Variants in MBTPS2 observed in about 807,000 individuals in gnomAD.
MBTPS2 encodes membrane bound transcription factor peptidase, site 2.
Under a neutral mutation model 35.4 loss-of-function variants are expected in MBTPS2, and 2 were observed. The observed-to-expected ratio is 0.06, with a 90% CI of 0.02 to 0.18. The LOEUF (loss-of-function observed/expected upper bound fraction) is 0.18, where lower values mean the gene tolerates loss of function less well. MBTPS2 is among the 10% of genes least tolerant of loss of function. The pLI is 1.00. For missense variants in MBTPS2, 244 were observed against 386.5 expected (o/e 0.63, Z 3.09); for synonymous variants, 125 against 140.4 (o/e 0.89, Z 0.77).
In MBTPS2 at chrX:21,859,954, G is replaced by A. The variant is rs759514986; in HGVS notation, c.670+6451G>A. On this transcript the variant is annotated intron_variant, in intron 5 of 10. Coordinates refer to ENST00000379484, the MANE Select transcript of MBTPS2 (RefSeq NM_015884.4). ...CCAAAAATAAAAAAATTAGCTGAGT[G>A]TGGGGCGCACACCTGTGGTCCTAGC... Among the ~76,000 whole-genome samples the A allele has an allele frequency of 3.6e-5, 4 of 110,559 alleles. No homozygotes were observed. In the East Asian group the frequency reaches 1.1e-3, roughly 31 times the overall value.
Position 21,839,685 on chromosome X carries a change from G to A in MBTPS2, c.-50G>A, listed in dbSNP as rs758684400. 7 of 1,139,712 alleles carry A rather than the reference G, an allele frequency of 6.1e-6. No homozygotes were observed. Among genetic ancestry groups the A allele is most frequent in the Non-Finnish European group, 5.9e-6 (5 of 847,531 alleles). The allele number at this position is 1,139,712 out of a possible 1,213,427, so 93.9% of individuals were successfully genotyped here. ...CGCGCGGTCAGCTGTTGGCGGTGCA[G>A]GGAGGAGGACGCCGGGGCTCGCCTT... On this transcript the variant is annotated 5_prime_UTR_variant, in exon 1 of 11. Coordinates refer to ENST00000379484, the MANE Select transcript of MBTPS2 (RefSeq NM_015884.4).
chrX:21,862,889 C>CATATATAA (rs2092933527), intron 5 of MBTPS2, among the ~76,000 whole-genome samples: 2 of 69,407 alleles, frequency 2.9e-5, no homozygotes, highest in African/African-American at 9.8e-5. Flanking sequence ...TATATATACA[C>CATATATAA]ATATATATAA....
intron 3 of MBTPS2, among the ~76,000 whole-genome samples, chrX:21,850,026 C>CAAAAAAA (rs757928757): frequency 3.6e-5 from 1 of 27,419 alleles, no homozygotes; most frequent in Non-Finnish European, 6.6e-5. Context: ...GACTCCGTCT[C>CAAAAAAA]AAAAAAAAAA....
At chrX:21,878,363 A>G (rs1411420672) in intron 8 of MBTPS2, 134 bp from the exon 9 acceptor site, 2 of 532,353 alleles carry the variant, frequency 3.8e-6, no homozygotes, top group Non-Finnish European at 3.2e-6. Flanking sequence ...TTTATAGTAG[A>G]TGCACATAAA....
chrX:21,884,397 T>C lies in MBTPS2; in HGVS notation c.*1742T>C, dbSNP rs2092962486. 1 of 699,878 alleles carries C rather than the reference T, an allele frequency of 1.4e-6. No homozygotes were observed. The highest frequency in any genetic ancestry group is 2.3e-5 in the African/African-American group (1 of 42,790). 57.7% of individuals were successfully genotyped at this position (699,878 alleles called of 1,213,427 possible). On this transcript the variant is annotated 3_prime_UTR_variant, in exon 11 of 11. Coordinates refer to ENST00000379484, the MANE Select transcript of MBTPS2 (RefSeq NM_015884.4). The stretch of plus-strand genomic sequence containing the variant: ...TAATTTGATTGCATGAACTAAGCAA[T>C]TTTACTAATGAAAAGGTTGTATATG...
At chrX:21,860,083 C>A (rs1418656348) in intron 5 of MBTPS2, among the ~76,000 whole-genome samples, 1 of 98,523 alleles carries the variant, frequency 1.0e-5, no homozygotes, top group Non-Finnish European at 2.0e-5. Flanking sequence ...CAGAGTAAGA[C>A]CTTGTGTCAA....
At chrX:21,849,352 G>GT (rs1459145356) in intron 3 of MBTPS2, among the ~76,000 whole-genome samples, 1 of 112,196 alleles carries the variant, frequency 8.9e-6, no homozygotes, top group Non-Finnish European at 1.9e-5. Context: ...GAGAAAACAA[G>GT]TCAGGTTATC....
chrX:21,881,541 T>C (rs767000629), intron 10 of MBTPS2, among the ~76,000 whole-genome samples: 1 of 112,340 alleles, frequency 8.9e-6, no homozygotes, highest in South Asian at 3.7e-4. Context: ...AAGAGTTCTT[T>C]ATTTTTGTCG....
At chrX:21,859,298 AC>A (rs1479583294) in intron 5 of MBTPS2, among the ~76,000 whole-genome samples, 3 of 100,938 alleles carry the variant, frequency 3.0e-5, no homozygotes, top group Non-Finnish European at 4.0e-5. Context: ...AAAAGAGTGA[AC>A]AATTATATGC....
intron 5 of MBTPS2, 115 bp downstream of exon 5, chrX:21,853,618 A>G: frequency 1.3e-6 from 1 of 767,810 alleles, no homozygotes; most frequent in South Asian, 2.3e-5. Flanking sequence ...TTTGGTTAAT[A>G]ACTTCAGTTT....
chrX:21,863,048 G>A (rs1220995891), intron 5 of MBTPS2, among the ~76,000 whole-genome samples: 1 of 89,712 alleles, frequency 1.1e-5, no homozygotes, highest in Admixed American at 1.3e-4. Flanking sequence ...TTGAGCTCAG[G>A]AGTTCAAGAC....
At chrX:21,872,972 A>C (rs1158384703) in intron 7 of MBTPS2, 2 of 110,979 alleles carry the variant, frequency 1.8e-5, no homozygotes, top group African/African-American at 6.5e-5. Context: ...ACTATTACAG[A>C]GTGTCCAATG....
At chrX:21,867,882 G>A (rs1228830725) in intron 5 of MBTPS2, among the ~76,000 whole-genome samples, 2 of 109,150 alleles carry the variant, frequency 1.8e-5, no homozygotes, top group African/African-American at 3.3e-5. Context: ...CTCGTGATCC[G>A]CCCGCCCTGG....
At chrX:21,877,459 A>AAC (rs2092954403) in intron 7 of MBTPS2, among the ~76,000 whole-genome samples, 1 of 111,686 alleles carries the variant, frequency 9.0e-6, no homozygotes, top group Admixed American at 9.5e-5. Context: ...AAATGGAATG[A>AAC]ACAGTTGCCC....
chrX:21,882,955 A>G lies in MBTPS2; in HGVS notation c.*300A>G. 1.1e-6 allele frequency: 1 copy of G among 950,137 alleles called. No individual in the cohort carries two copies. Among genetic ancestry groups the G allele is most frequent in the Non-Finnish European group, 1.3e-6 (1 of 758,535 alleles). The allele number at this position is 950,137 out of a possible 1,213,427, so 78.3% of individuals were successfully genotyped here. A position where few individuals can be genotyped will look rare whatever the true frequency, so the allele number is the denominator to read the frequency against. On this transcript the variant is annotated 3_prime_UTR_variant, in exon 11 of 11. Transcript: ENST00000379484. The stretch of plus-strand genomic sequence containing the variant: ...TCATGTAATACCGTTTTGTCTGATT[A>G]CATATTGTGTTGAAATAGTATAAAG...
intron 5 of MBTPS2, among the ~76,000 whole-genome samples, chrX:21,860,646 C>T (rs969199104): frequency 3.6e-5 from 4 of 111,062 alleles, no homozygotes; most frequent in South Asian, 3.8e-4. Flanking sequence ...ACATGCCTGA[C>T]GAGATAAGAG....
intron 10 of MBTPS2, among the ~76,000 whole-genome samples, chrX:21,882,027 A>C (rs2092960073): frequency 8.9e-6 from 1 of 112,437 alleles, no homozygotes; most frequent in African/African-American, 3.2e-5. Flanking sequence ...GTAGTAAAAT[A>C]AAGTAGGCTT....
In MBTPS2 at chrX:21,883,989, G is replaced by A; in HGVS notation, c.*1334G>A. On this transcript the variant is annotated 3_prime_UTR_variant, in exon 11 of 11. Transcript: ENST00000379484. ...CTTGTATACTCAGAAGTGACTAAGG[G>A]CAATAACTCATTAATAGCCATCTAT... 1.3e-6 allele frequency: 1 copy of A among 752,975 alleles called. No individual in the cohort carries two copies. The highest frequency in any genetic ancestry group is 1.6e-6 in the Non-Finnish European group (1 of 638,274). 62.1% of individuals were successfully genotyped at this position (752,975 alleles called of 1,213,427 possible).
intron 5 of MBTPS2, among the ~76,000 whole-genome samples, chrX:21,867,799 T>C (rs775086208): frequency 3.6e-5 from 4 of 110,051 alleles, no homozygotes; most frequent in East Asian, 5.7e-4. Flanking sequence ...CCACCATGCC[T>C]GGCTAATTTT....
Sources: gnomAD v4.1 joint callset for allele counts (sites outside exome capture counted in the v4.1 genomes callset) on GRCh38, gnomAD v4.1.1 for gene constraint, MANE v1.5 for transcripts, NCBI Gene and HGNC (gene_info 2026-07-23, HGNC 2026-07-21) for gene names.